Variants in DOK6 observed in about 807,000 individuals in gnomAD.
DOK6 encodes downstream of tyrosine kinase 6.
In DOK6, 22 loss-of-function variants were observed where a neutral mutation model predicts 44.0. That is an observed-to-expected ratio of 0.50 (90% CI 0.36 to 0.71). DOK6 has a LOEUF of 0.71. DOK6 is among the 30% of genes least tolerant of loss of function. DOK6 has a pLI of 0.00. For synonymous variants in DOK6, 166 were observed against 145.5 expected (o/e 1.14, Z -1.01); for missense variants, 340 against 416.4 (o/e 0.82, Z 1.60).
chr18:69,721,779 C>A (rs1473568883), intron 5 of DOK6, among the ~76,000 whole-genome samples: 2 of 152,142 alleles, frequency 1.3e-5, no homozygotes, highest in African/African-American at 4.8e-5. Flanking sequence ...TAGAAACTTA[C>A]TGAAGAATTA....
chr18:69,741,335 C>T, intron 6 of DOK6, among the ~76,000 whole-genome samples: 1 of 152,218 alleles, frequency 6.6e-6, no homozygotes, highest in East Asian at 1.9e-4. Flanking sequence ...TACTCCATGG[C>T]TAATTTGTTC....
intron 5 of DOK6, among the ~76,000 whole-genome samples, chr18:69,722,609 G>A (rs1369574050): frequency 2.0e-5 from 3 of 152,152 alleles, no homozygotes; most frequent in Non-Finnish European, 4.4e-5. Flanking sequence ...CATTATTCAC[G>A]CAACCCTGAA....
intron 3 of DOK6, among the ~76,000 whole-genome samples, chr18:69,667,838 G>C (rs555114110): frequency 6.6e-6 from 1 of 151,892 alleles, no homozygotes; most frequent in South Asian, 2.1e-4. Flanking sequence ...ATTTAGTTCC[G>C]TGACTTTAAA....
chr18:69,599,593 C>T (rs1368730612), intron 3 of DOK6, 95 bp downstream of exon 3: 9 of 924,930 alleles, frequency 9.7e-6, no homozygotes, highest in East Asian at 2.6e-5. Context: ...AACAGGATGG[C>T]CTACTGTCAT....
chr18:69,594,869 G>A (rs1406483257), intron 2 of DOK6, among the ~76,000 whole-genome samples: 1 of 151,842 alleles, frequency 6.6e-6, no homozygotes, highest in East Asian at 1.9e-4. Context: ...AGCACCTAAA[G>A]ACTCTGCCAA....
chr18:69,615,114 CTT>C (rs1197054349), intron 3 of DOK6, among the ~76,000 whole-genome samples: 1 of 152,128 alleles, frequency 6.6e-6, no homozygotes, highest in African/African-American at 2.4e-5. Flanking sequence ...TCAAATATGA[CTT>C]TAAGTTGTTG....
At chr18:69,616,255 A>G (rs1984281479) in intron 3 of DOK6, among the ~76,000 whole-genome samples, 1 of 152,142 alleles carries the variant, frequency 6.6e-6, no homozygotes, top group Non-Finnish European at 1.5e-5. Flanking sequence ...GAAGAGTAGA[A>G]AGAGCTACCA....
Position 69,721,570 on chromosome 18 carries a change from A to G in DOK6, c.600-17395A>G, listed in dbSNP as rs370071128. Among the ~76,000 whole-genome samples the G allele has an allele frequency of 5.9e-5, 9 of 152,372 alleles. No individual in the cohort carries two copies. In the East Asian group the frequency reaches 7.7e-4, roughly 13 times the overall value. ...CACATTGTGCTATTGTTTGCAGTAC[A>G]CATTCAGGTGCATTCTTTAACTGCA... On this transcript the variant is annotated intron_variant, in intron 5 of 7. Coordinates refer to ENST00000382713, the MANE Select transcript of DOK6 (RefSeq NM_152721.6).
At chr18:69,594,574 G>A (rs1983696666) in intron 2 of DOK6, among the ~76,000 whole-genome samples, 1 of 141,060 alleles carries the variant, frequency 7.1e-6, no homozygotes, top group Non-Finnish European at 1.5e-5. Flanking sequence ...AGAAGTCCTA[G>A]CCAGAGCAAA....
chr18:69,676,620 G>C (rs1488558055), intron 3 of DOK6, among the ~76,000 whole-genome samples: 1 of 152,098 alleles, frequency 6.6e-6, no homozygotes, highest in African/African-American at 2.4e-5. Context: ...AAACTTCTCT[G>C]GGCAGACGTC....
At chr18:69,460,404 A>G (rs1042604753) in intron 1 of DOK6, among the ~76,000 whole-genome samples, 2 of 152,198 alleles carry the variant, frequency 1.3e-5, no homozygotes, top group South Asian at 4.1e-4. Flanking sequence ...CATCAATCAT[A>G]TATCAATAAA....
At chr18:69,465,510 T>C (rs970270885) in intron 1 of DOK6, among the ~76,000 whole-genome samples, 1 of 151,026 alleles carries the variant, frequency 6.6e-6, no homozygotes, top group South Asian at 2.1e-4. Context: ...CCTGTGTCCA[T>C]GTGTTCTCAT....
chr18:69,414,886 C>T (rs1017068133), intron 1 of DOK6, among the ~76,000 whole-genome samples: 1 of 151,984 alleles, frequency 6.6e-6, no homozygotes, highest in African/African-American at 2.4e-5. Context: ...TCCAGTGGGG[C>T]ACAATTATAG....
chr18:69,794,322 G>C (rs974782302), intron 7 of DOK6, among the ~76,000 whole-genome samples: 2 of 152,174 alleles, frequency 1.3e-5, no homozygotes, highest in African/African-American at 4.8e-5. Flanking sequence ...TAAGCACCCT[G>C]CCAGAGGTCT....
At chr18:69,563,918 T>C (rs1249151772) in intron 1 of DOK6, among the ~76,000 whole-genome samples, 10 of 152,224 alleles carry the variant, frequency 6.6e-5, no homozygotes, top group Non-Finnish European at 1.2e-4. Flanking sequence ...GTATTAAATA[T>C]GTATATAAAT....
At chr18:69,491,629 T>C (rs1237684814) in intron 1 of DOK6, among the ~76,000 whole-genome samples, 3 of 152,220 alleles carry the variant, frequency 2.0e-5, no homozygotes, top group Non-Finnish European at 4.4e-5. Context: ...TTGTTAGCAG[T>C]GCGTTTCCTA....
chr18:69,522,244 A>C (rs1981708697), intron 1 of DOK6, among the ~76,000 whole-genome samples: 1 of 152,014 alleles, frequency 6.6e-6, no homozygotes, highest in Non-Finnish European at 1.5e-5. Context: ...ACACACACAC[A>C]CACGAGTTAC....
At chr18:69,820,359 G>A (rs965477481) in intron 7 of DOK6, among the ~76,000 whole-genome samples, 10 of 152,144 alleles carry the variant, frequency 6.6e-5, no homozygotes, top group Admixed American at 5.2e-4. Flanking sequence ...AATAGCAAGT[G>A]TCAGAAGAAA....
intron 1 of DOK6, among the ~76,000 whole-genome samples, chr18:69,418,196 T>G (rs1978390334): frequency 6.6e-6 from 1 of 152,184 alleles, no homozygotes; most frequent in South Asian, 2.1e-4. Flanking sequence ...AGGTCTTATT[T>G]AAGTTATTAA....
Sources: gnomAD v4.1 joint callset for allele counts (sites outside exome capture counted in the v4.1 genomes callset) on GRCh38, gnomAD v4.1.1 for gene constraint, MANE v1.5 for transcripts, NCBI Gene and HGNC (gene_info 2026-07-23, HGNC 2026-07-21) for gene names.